Variants in SSH2 observed in about 807,000 individuals in gnomAD.
SSH2 encodes the protein protein phosphatase Slingshot homolog 2.
SSH2 carries 37 observed loss-of-function variants against 135.2 expected under a neutral mutation model. The observed-to-expected ratio is 0.27, with a 90% CI of 0.21 to 0.36. SSH2 has a LOEUF of 0.36. Among genes scored for constraint, SSH2 ranks in the 10% least tolerant of loss-of-function variants. The pLI, the probability that SSH2 is intolerant of heterozygous loss-of-function variation, is 1.00. For synonymous variants in SSH2, 628 were observed against 646.2 expected (o/e 0.97, Z 0.43); for missense variants, 1,408 against 1,765.3 (o/e 0.80, Z 3.63).
At position 29,629,429 on chromosome 17, in the gene SSH2, T is replaced by A. The variant is rs1286267432; in HGVS notation, c.*1412A>T. The A allele has an allele frequency of 6.5e-6, 1 of 152,680 alleles. No individual in the cohort carries two copies. The highest frequency in any genetic ancestry group is 1.5e-5 in the Non-Finnish European group (1 of 68,042). 9.5% of individuals were successfully genotyped at this position (152,680 alleles called of 1,614,324 possible). On this transcript the variant is annotated 3_prime_UTR_variant, in exon 16 of 16. Coordinates refer to ENST00000540801, the MANE Select transcript of SSH2 (RefSeq NM_001282129.2). ...CCTAATGGGAGCCTTTAGGGGTGTCTCTGAGGAAAAAGTTACTAATGCATA... is the reference window on the plus strand; with the variant it reads ...CCTAATGGGAGCCTTTAGGGGTGTCACTGAGGAAAAAGTTACTAATGCATA...
At chr17:29,684,068 C>A (rs2038101992) in intron 6 of SSH2, among the ~76,000 whole-genome samples, 1 of 152,212 alleles carries the variant, frequency 6.6e-6, no homozygotes, top group Non-Finnish European at 1.5e-5. Context: ...ATTGGAAACA[C>A]ACGACCAAAG....
intron 3 of SSH2, among the ~76,000 whole-genome samples, chr17:29,769,577 C>A (rs1211746514): frequency 6.6e-6 from 1 of 152,060 alleles, no homozygotes; most frequent in Non-Finnish European, 1.5e-5. Context: ...ACACAACATC[C>A]TACATGAAGG....
intron 3 of SSH2, among the ~76,000 whole-genome samples, chr17:29,773,596 C>T (rs907645591): frequency 4.6e-5 from 7 of 152,154 alleles, no homozygotes; most frequent in Non-Finnish European, 4.4e-5. Context: ...GTTTACACAT[C>T]GCCTTTTGAG....
chr17:29,882,290 ATTTC>A (rs2066152042), intron 1 of SSH2, among the ~76,000 whole-genome samples: 1 of 152,184 alleles, frequency 6.6e-6, no homozygotes, highest in Non-Finnish European at 1.5e-5. Context: ...TGATGTGCAT[ATTTC>A]TTTCTCCCAC....
chr17:29,704,701 T>C (rs1410042056), intron 3 of SSH2, among the ~76,000 whole-genome samples: 2 of 128,718 alleles, frequency 1.6e-5, no homozygotes, highest in African/African-American at 7.1e-5. Flanking sequence ...AGACTCTGTC[T>C]CTTAAAAAAA....
At chr17:29,785,795 AG>A (rs1044791769) in intron 3 of SSH2, among the ~76,000 whole-genome samples, 16 of 138,158 alleles carry the variant, frequency 1.2e-4, no homozygotes, top group African/African-American at 4.1e-4. Flanking sequence ...CACCGCGCCC[AG>A]TCCGTTTACT....
chr17:29,877,380 C>T (rs975681805), intron 1 of SSH2, among the ~76,000 whole-genome samples: 3 of 151,984 alleles, frequency 2.0e-5, no homozygotes, highest in Non-Finnish European at 4.4e-5. Flanking sequence ...CAGTATATAC[C>T]CCAAAGAAAA....
At position 29,777,510 on chromosome 17, in the gene SSH2, A is replaced by G. The variant is rs540294499; in HGVS notation, c.188+16384T>C. 3.9e-5 allele frequency: 6 copies of G among 152,368 alleles called. No individual in the cohort carries two copies. The South Asian group carries it at 1.2e-3, about 32-fold the overall frequency. 9.4% of individuals were successfully genotyped at this position (152,368 alleles called of 1,614,324 possible). ...TGCACTGAAATAATGAAAATGCACA[A>G]TTCCATGGTACCTACATTCATTATA... On this transcript the variant is annotated intron_variant, in intron 3 of 15. Transcript: ENST00000540801.
chr17:29,742,904 G>A (rs1368115139), intron 3 of SSH2, among the ~76,000 whole-genome samples: 1 of 151,772 alleles, frequency 6.6e-6, no homozygotes. Context: ...CAAAGTTCTG[G>A]GATTACAGGC....
intron 3 of SSH2, among the ~76,000 whole-genome samples, chr17:29,765,406 A>G (rs763988951): frequency 1.1e-4 from 17 of 152,210 alleles, no homozygotes; most frequent in Non-Finnish European, 2.5e-4. Flanking sequence ...ATTAATTTAC[A>G]TAAAGTACTT....
At chr17:29,658,483 T>C (rs940629306) in intron 11 of SSH2, among the ~76,000 whole-genome samples, 2 of 152,194 alleles carry the variant, frequency 1.3e-5, no homozygotes, top group Non-Finnish European at 2.9e-5. Flanking sequence ...CTGGCTTGTA[T>C]TCAATTTTAG....
At chr17:29,784,968 G>T (rs1382391) in intron 3 of SSH2, among the ~76,000 whole-genome samples, 67,403 of 151,892 alleles carry the variant, frequency 0.44, 15,317 homozygotes, top group Non-Finnish European at 0.49. Context: ...CTGAGGAAAA[G>T]ACCAAATTTT....
chr17:29,928,563 C>T (rs372362776), intron 1 of SSH2: 1 of 398,558 alleles, frequency 2.5e-6, no homozygotes, highest in East Asian at 3.6e-5. Context: ...CCTCCCTGAA[C>T]CAAGAATCCC....
At chr17:29,812,927 C>T (rs2042471669) in intron 2 of SSH2, among the ~76,000 whole-genome samples, 1 of 151,134 alleles carries the variant, frequency 6.6e-6, no homozygotes, top group Admixed American at 6.6e-5. Flanking sequence ...CCAACCATGC[C>T]ATATATTCAA....
At chr17:29,706,675 G>T (rs1332662989) in intron 3 of SSH2, among the ~76,000 whole-genome samples, 2 of 152,152 alleles carry the variant, frequency 1.3e-5, no homozygotes, top group Non-Finnish European at 2.9e-5. Context: ...AAAAATAAAG[G>T]CTAAATATTC....
Position 29,632,189 on chromosome 17 carries a change from T to A in SSH2, c.3005A>T (p.Asp1002Val), listed in dbSNP as rs757969044. ...GACTCCTTCCTGCTGTGTTCCAGTA[T>A]CTGACCCTGGGCCCTCCTGAGGATC... ...LPDPQEGPGSDTGTQQEGVLK... is the reference protein window; with the variant it reads ...LPDPQEGPGSVTGTQQEGVLK... Residue 1002 changes from aspartate (D) to valine (V), a missense_variant, in exon 16 of 16, where the codon GAT becomes GTT. By Grantham distance (152) the Asp-to-Val change is radical. Around this residue, in one of 3 missense-constraint regions of SSH2, gnomAD observed 1,080 missense variants for 1,144.5 expected, o/e 0.94. Transcript: ENST00000540801. 1 of 1,614,034 alleles carries A rather than the reference T, an allele frequency of 6.2e-7. No homozygotes were observed. Among genetic ancestry groups the A allele is most frequent in the South Asian group, 1.1e-5 (1 of 91,066 alleles).
chr17:29,825,870 G>C (rs1453356974), intron 2 of SSH2, among the ~76,000 whole-genome samples: 2 of 152,168 alleles, frequency 1.3e-5, no homozygotes, highest in Non-Finnish European at 2.9e-5. Flanking sequence ...AATTTGGTCA[G>C]AGGTCACAGC....
intron 14 of SSH2, among the ~76,000 whole-genome samples, chr17:29,647,186 T>C (rs2036406257): frequency 6.7e-6 from 1 of 150,178 alleles, no homozygotes; most frequent in Non-Finnish European, 1.5e-5. Flanking sequence ...GGCGTGAACC[T>C]GGGAGGCGGA....
intron 11 of SSH2, among the ~76,000 whole-genome samples, chr17:29,659,656 T>C (rs1233971000): frequency 6.6e-6 from 1 of 152,204 alleles, no homozygotes; most frequent in Admixed American, 6.5e-5. Context: ...CTCGAGTAGC[T>C]GGGACTACAG....
Sources: allele counts gnomAD v4.1 joint callset (sites outside exome capture counted in the v4.1 genomes callset), GRCh38; gene constraint gnomAD v4.1.1; regional missense constraint gnomAD v4.1.1; transcripts MANE v1.5; gene names NCBI Gene and HGNC (gene_info 2026-07-23, HGNC 2026-07-21).